The following NRXN3 variants were observed in gnomAD, a reference collection of about 807,000 sequenced individuals.
NRXN3 encodes the protein neurexin 3.
A neutral mutation model predicts 137.6 loss-of-function variants in NRXN3; 32 were observed. The observed-to-expected ratio is 0.23, with a 90% CI of 0.18 to 0.31. The LOEUF is 0.31. Ranked by LOEUF, NRXN3 falls within the 10% of genes least tolerant of loss-of-function variation. The probability of loss-of-function intolerance (pLI) is 1.00; values close to 1 mark genes in which losing one functional copy is unlikely to be tolerated. For missense variants in NRXN3, 1,574 were observed against 2,062.5 expected (o/e 0.76, Z 4.59); for synonymous variants, 798 against 784.5 (o/e 1.02, Z -0.29).
At chr14:78,841,773 GTTGT>G in intron 10 of NRXN3, among the ~76,000 whole-genome samples, 1 of 152,124 alleles carries the variant, frequency 6.6e-6, no homozygotes, top group East Asian at 1.9e-4. Context: ...CAGAATTCTA[GTTGT>G]TTTTCAGCTC....
chr14:79,850,851 G>A (rs2099389989), intron 20 of NRXN3, among the ~76,000 whole-genome samples: 1 of 152,292 alleles, frequency 6.6e-6, no homozygotes, highest in Non-Finnish European at 1.5e-5. Context: ...TGAACTAATG[G>A]TTGACTTATA....
intron 2 of NRXN3, among the ~76,000 whole-genome samples, chr14:78,267,742 G>C (rs1381120100): frequency 6.6e-6 from 1 of 152,160 alleles, no homozygotes; most frequent in East Asian, 1.9e-4. Context: ...TCCAATCAAA[G>C]ACTTTGAAGC....
intron 16 of NRXN3, among the ~76,000 whole-genome samples, chr14:79,480,772 T>C (rs1244864352): frequency 1.3e-5 from 2 of 152,146 alleles, no homozygotes; most frequent in East Asian, 1.9e-4. Flanking sequence ...GTGATAGAGT[T>C]CTCATAAGAT....
chr14:79,734,481 C>A (rs2098935126), intron 19 of NRXN3, among the ~76,000 whole-genome samples: 1 of 152,140 alleles, frequency 6.6e-6, no homozygotes, highest in East Asian at 1.9e-4. Flanking sequence ...AGATTTGGGA[C>A]TTTAGCCCTG....
chr14:78,507,834 G>A (rs2096023052), intron 4 of NRXN3, among the ~76,000 whole-genome samples: 1 of 152,120 alleles, frequency 6.6e-6, no homozygotes, highest in Non-Finnish European at 1.5e-5. Context: ...TCTCTGAGTT[G>A]TTACAAAACC....
At chr14:79,802,044 GAA>G (rs766291290) in intron 19 of NRXN3, among the ~76,000 whole-genome samples, 7 of 124,430 alleles carry the variant, frequency 5.6e-5, no homozygotes, top group African/African-American at 2.9e-5. Context: ...TCCTTTTTCT[GAA>G]AAAAAAAAAA....
At chr14:79,387,925 G>A (rs888317647) in intron 15 of NRXN3, among the ~76,000 whole-genome samples, 1 of 140,026 alleles carries the variant, frequency 7.1e-6, no homozygotes, top group African/African-American at 2.7e-5. Flanking sequence ...GACACAGGAA[G>A]GGGAACATCA....
chr14:79,199,427 A>C (rs2065619633), intron 15 of NRXN3, among the ~76,000 whole-genome samples: 1 of 152,214 alleles, frequency 6.6e-6, no homozygotes, highest in African/African-American at 2.4e-5. Context: ...ACAGCAAAAG[A>C]AGCCACACTG....
At chr14:79,015,456 C>G (rs1041525629) in intron 15 of NRXN3, among the ~76,000 whole-genome samples, 1 of 152,278 alleles carries the variant, frequency 6.6e-6, no homozygotes, top group East Asian at 1.9e-4. Context: ...TGGCTGCTAG[C>G]TATGGCTGCT....
At chr14:78,553,816 C>T (rs889437046) in intron 4 of NRXN3, among the ~76,000 whole-genome samples, 1 of 152,080 alleles carries the variant, frequency 6.6e-6, no homozygotes, top group Non-Finnish European at 1.5e-5. Flanking sequence ...CTCATGGTTC[C>T]AAATAATCCC....
At chr14:78,414,264 G>A (rs545423746) in intron 4 of NRXN3, among the ~76,000 whole-genome samples, 1 of 152,148 alleles carries the variant, frequency 6.6e-6, no homozygotes, top group Admixed American at 6.5e-5. Context: ...TGTGTAAGGT[G>A]TAAGTGTAGT....
intron 4 of NRXN3, among the ~76,000 whole-genome samples, chr14:78,373,626 CA>C (rs1485865885): frequency 3.9e-5 from 6 of 152,234 alleles, no homozygotes; most frequent in Non-Finnish European, 7.4e-5. Flanking sequence ...ATTCCTTCCT[CA>C]ATGTGGTGAT....
At chr14:79,727,854 C>T (rs760670834) in intron 19 of NRXN3, among the ~76,000 whole-genome samples, 2 of 152,134 alleles carry the variant, frequency 1.3e-5, no homozygotes, top group South Asian at 2.1e-4. Flanking sequence ...TACCAGGTTA[C>T]GAATGGCCCT....
At chr14:78,810,209 T>C in intron 9 of NRXN3, 109 bp from the exon 10 acceptor site, 2 of 677,008 alleles carry the variant, frequency 3.0e-6, no homozygotes, top group South Asian at 1.7e-5. Flanking sequence ...AATGGCCACA[T>C]TTCTTACGTG....
chr14:78,761,273 G>T (rs930272702), intron 8 of NRXN3, among the ~76,000 whole-genome samples: 1 of 152,102 alleles, frequency 6.6e-6, no homozygotes, highest in Admixed American at 6.5e-5. Flanking sequence ...ATTAATCCAG[G>T]TAATATTTTG....
intron 2 of NRXN3, among the ~76,000 whole-genome samples, chr14:78,249,092 A>G (rs1484634583): frequency 2.6e-5 from 4 of 152,090 alleles, no homozygotes; most frequent in South Asian, 2.1e-4. Flanking sequence ...GGGAAAAGCA[A>G]TTTTTTAAAA....
At chr14:78,642,968 A>G (rs887458572) in intron 4 of NRXN3, among the ~76,000 whole-genome samples, 1 of 152,192 alleles carries the variant, frequency 6.6e-6, no homozygotes, top group African/African-American at 2.4e-5. Flanking sequence ...GCTTATACCA[A>G]TGTGTGTGCA....
At chr14:78,937,208 A>C (rs556288072) in intron 10 of NRXN3, among the ~76,000 whole-genome samples, 3 of 151,746 alleles carry the variant, frequency 2.0e-5, no homozygotes, top group African/African-American at 4.8e-5. Flanking sequence ...AAAAAGAAAC[A>C]AAGAAAAGAA....
intron 4 of NRXN3, among the ~76,000 whole-genome samples, chr14:78,424,823 G>C (rs892649116): frequency 6.6e-6 from 1 of 152,184 alleles, no homozygotes; most frequent in African/African-American, 2.4e-5. Context: ...CATTATACAT[G>C]GAGAAACTGA....
Sources: gnomAD v4.1 joint callset for allele counts (sites outside exome capture counted in the v4.1 genomes callset) on GRCh38, gnomAD v4.1.1 for gene constraint, MANE v1.5 for transcripts, NCBI Gene and HGNC (gene_info 2026-07-23, HGNC 2026-07-21) for gene names.